Variants in ANKRD31 observed in about 807,000 individuals in gnomAD.
ANKRD31 encodes the protein ankyrin repeat domain-containing protein 31.
Under a neutral mutation model 186.0 loss-of-function variants are expected in ANKRD31, and 147 were observed. That is an observed-to-expected ratio of 0.79 (90% CI 0.69 to 0.91). The LOEUF (loss-of-function observed/expected upper bound fraction) is 0.91, where lower values mean the gene tolerates loss of function less well. Ranked by LOEUF, ANKRD31 falls within the 40% of genes least tolerant of loss-of-function variation. ANKRD31 has a pLI of 0.00. For missense variants in ANKRD31, 1,986 were observed against 2,148.8 expected, an observed-to-expected ratio of 0.92 and a Z score of 1.50; for synonymous variants, 673 against 736.4, an observed-to-expected ratio of 0.91 and a Z score of 1.39.
chr5:75,172,339 T>A (rs887019851), intron 10 of ANKRD31, among the ~76,000 whole-genome samples: 45 of 148,220 alleles, frequency 3.0e-4, no homozygotes, highest in Non-Finnish European at 4.6e-4. Context: ...GAAAAGTACA[T>A]GAGAAAAGCT....
In ANKRD31 at chr5:75,070,080, T is replaced by A. The variant is rs1294766727; in HGVS notation, c.5648-1416A>T. 5.3e-5 allele frequency among the ~76,000 whole-genome samples: 8 copies of A among 152,294 alleles called. No individual in the cohort carries two copies. The East Asian group carries it at 1.5e-3, about 29-fold the overall frequency. ...TTCCTTTTTGAGGGGTTGAGGCCGG[T>A]CTGATGTGGGTTTTAAATCATCACT... On this transcript the variant is annotated intron_variant, in intron 25 of 25. Transcript: ENST00000506364.
At chr5:75,111,565 T>C (rs984906552) in intron 20 of ANKRD31, among the ~76,000 whole-genome samples, 1 of 152,208 alleles carries the variant, frequency 6.6e-6, no homozygotes, top group Non-Finnish European at 1.5e-5. Context: ...TGAACAGTTA[T>C]ATCCTGCTAT....
Position 75,118,187 on chromosome 5 carries a change from A to G in ANKRD31, c.3987T>C (p.Ser1329=). The G allele has an allele frequency of 6.6e-7, 1 of 1,526,716 alleles. No homozygotes were observed. Among genetic ancestry groups the G allele is most frequent in the African/African-American group, 1.4e-5 (1 of 72,664 alleles). 94.6% of individuals were successfully genotyped at this position (1,526,716 alleles called of 1,614,324 possible). ...TATTAACAGTCTCAATAGCACCATA[A>G]GATCTTAGTAATTCTTTCATTTTTT... ...DDEKMKELLR[S]YGAIETVNRD... The change falls in exon 18 of 26, where the codon TCT becomes TCC. Residue 1329 remains serine (S), a synonymous_variant. Transcript: ENST00000506364.
intron 6 of ANKRD31, among the ~76,000 whole-genome samples, chr5:75,197,433 C>A (rs554457434): frequency 3.3e-5 from 5 of 152,198 alleles, no homozygotes; most frequent in African/African-American, 9.6e-5. Flanking sequence ...AATTTGTAAG[C>A]CTTCTAATAT....
At chr5:75,164,567 C>T (rs547932552) in intron 11 of ANKRD31, among the ~76,000 whole-genome samples, 1 of 151,966 alleles carries the variant, frequency 6.6e-6, no homozygotes, top group South Asian at 2.1e-4. Context: ...AGATAGTTGG[C>T]GAAAGGACTG....
At chr5:75,087,150 T>C (rs749000998) in intron 23 of ANKRD31, among the ~76,000 whole-genome samples, 2 of 152,196 alleles carry the variant, frequency 1.3e-5, no homozygotes, top group Admixed American at 6.5e-5. Flanking sequence ...TCCATTTTAT[T>C]TGAAAGTATC....
chr5:75,068,654 T>C lies in ANKRD31; in HGVS notation c.5658A>G (p.Arg1886=), dbSNP rs910845315. The C allele has an allele frequency of 3.3e-6, 5 of 1,496,972 alleles. No homozygotes were observed. In the African/African-American group the frequency reaches 7.0e-5, roughly 21 times the overall value. 92.7% of individuals were successfully genotyped at this position (1,496,972 alleles called of 1,614,324 possible). A position where few individuals can be genotyped will look rare whatever the true frequency, so the allele number is the denominator to read the frequency against. The change falls in exon 26 of 26, where the codon AGA becomes AGG. Residue 1886 remains arginine, a synonymous_variant. Coordinates refer to ENST00000506364, the MANE Select transcript of ANKRD31 (RefSeq NM_001372053.1). ...AACGTGGGCTGCTTTGCATTGACTCTCTGGAAGTTCCTGTTTAAAGAAGTA... is the reference window on the plus strand; with the variant it reads ...AACGTGGGCTGCTTTGCATTGACTCCCTGGAAGTTCCTGTTTAAAGAAGTA... ...EKTKFGQGTS[R]ESMQSSPRYL...
At chr5:75,093,955 G>GA (rs1267962356) in intron 22 of ANKRD31, among the ~76,000 whole-genome samples, 3 of 152,056 alleles carry the variant, frequency 2.0e-5, no homozygotes, top group Admixed American at 6.5e-5. Context: ...GAATCCACAT[G>GA]AAAAAACATA....
intron 17 of ANKRD31, among the ~76,000 whole-genome samples, chr5:75,132,818 T>C (rs1018656711): frequency 6.6e-6 from 1 of 152,148 alleles, no homozygotes; most frequent in Non-Finnish European, 1.5e-5. Context: ...AGTGGATCTC[T>C]TGGCAGAAAC....
At chr5:75,201,676 T>C (rs751552148) in intron 5 of ANKRD31, among the ~76,000 whole-genome samples, 14 of 152,186 alleles carry the variant, frequency 9.2e-5, no homozygotes, top group Non-Finnish European at 1.8e-4. Flanking sequence ...TGGACCCCTC[T>C]TGGCCATGGG....
At chr5:75,165,792 A>G (rs1310144704) in intron 11 of ANKRD31, among the ~76,000 whole-genome samples, 1 of 152,232 alleles carries the variant, frequency 6.6e-6, no homozygotes, top group Admixed American at 6.5e-5. Context: ...AGACATAAAA[A>G]TCCTAAAATA....
At chr5:75,132,121 C>A (rs1046609879) in intron 17 of ANKRD31, among the ~76,000 whole-genome samples, 4 of 152,220 alleles carry the variant, frequency 2.6e-5, no homozygotes, top group Non-Finnish European at 1.5e-5. Flanking sequence ...TCCAAAGGAA[C>A]GCAGCTCCTC....
chr5:75,188,350 T>G, intron 10 of ANKRD31, 143 bp downstream of exon 10: 50 of 728,298 alleles, frequency 6.9e-5, no homozygotes, highest in Middle Eastern at 4.1e-4. Flanking sequence ...ATAATGGTGA[T>G]GAGCTACTTC....
intron 11 of ANKRD31, among the ~76,000 whole-genome samples, chr5:75,166,784 C>T (rs1166897921): frequency 1.3e-5 from 2 of 152,196 alleles, no homozygotes; most frequent in African/African-American, 2.4e-5. Context: ...AAGAGCACTA[C>T]ATTCTTGCCT....
chr5:75,148,343 C>T (rs1751619012), intron 13 of ANKRD31, among the ~76,000 whole-genome samples: 1 of 151,698 alleles, frequency 6.6e-6, no homozygotes, highest in African/African-American at 2.4e-5. Flanking sequence ...ACCTTAAGCT[C>T]CATAAAGAGG....
chr5:75,131,544 A>G (rs1749836138), intron 17 of ANKRD31, among the ~76,000 whole-genome samples: 1 of 152,204 alleles, frequency 6.6e-6, no homozygotes, highest in Non-Finnish European at 1.5e-5. Context: ...ACCACAGCTC[A>G]AGGAAGGCTG....
intron 10 of ANKRD31, among the ~76,000 whole-genome samples, chr5:75,179,557 C>T (rs1318150511): frequency 6.6e-6 from 1 of 152,196 alleles, no homozygotes; most frequent in African/African-American, 2.4e-5. Flanking sequence ...GGCTTCATCA[C>T]TGGGATGCAA....
intron 8 of ANKRD31, among the ~76,000 whole-genome samples, chr5:75,193,072 GCATGCCACTATC>G (rs1263827205): frequency 6.6e-6 from 1 of 151,950 alleles, no homozygotes; most frequent in East Asian, 1.9e-4. Context: ...CCCCAAGTTG[GCATGCCACTATC>G]CACTCTATTC....
At chr5:75,081,759 GGA>G (rs148500356) in intron 24 of ANKRD31, among the ~76,000 whole-genome samples, 8 of 150,300 alleles carry the variant, frequency 5.3e-5, no homozygotes, top group South Asian at 2.1e-4. Flanking sequence ...CAACGGGGGC[GGA>G]GAGAGAGAGA....
Sources: allele counts gnomAD v4.1 joint callset (sites outside exome capture counted in the v4.1 genomes callset), GRCh38; gene constraint gnomAD v4.1.1; transcripts MANE v1.5; gene names NCBI Gene and HGNC (gene_info 2026-07-23, HGNC 2026-07-21).